The following CD47 variants were observed in gnomAD, a reference collection of about 807,000 sequenced individuals.
The protein encoded by CD47 is leukocyte surface antigen CD47.
A neutral mutation model predicts 44.6 loss-of-function variants in CD47; 11 were observed. The ratio of observed to expected loss-of-function variants is 0.25; its 90% CI spans 0.16 to 0.41. The LOEUF (loss-of-function observed/expected upper bound fraction) is 0.41. CD47 is among the 10% of genes least tolerant of loss of function. The pLI, the probability that CD47 is intolerant of heterozygous loss-of-function variation, is 1.00. For synonymous variants in CD47, 140 were observed against 136.3 expected (o/e 1.03, Z -0.19); for missense variants, 306 against 386.7 (o/e 0.79, Z 1.75).
intron 1 of CD47, among the ~76,000 whole-genome samples, chr3:108,090,454 T>G (rs1229686439): frequency 6.6e-6 from 1 of 151,916 alleles, no homozygotes; most frequent in Non-Finnish European, 1.5e-5. Flanking sequence ...CAACCCCAAA[T>G]GCGTCTAAGC....
chr3:108,051,944 G>A lies in CD47; in HGVS notation c.904C>T (p.Pro302Ser), dbSNP rs1381698308. The part of the protein sequence containing the change: ...VASNQKTIQP[P>S]RKAVEEPLNA... Reference sequence around the variant, plus strand: ...TTTAATAAACTTTAACTTACCCTAGGAGGTTGTATAGTCTTCTGATTGGAA... The same window carrying A: ...TTTAATAAACTTTAACTTACCCTAGAAGGTTGTATAGTCTTCTGATTGGAA... Residue 302 changes from proline to serine, a missense_variant, in exon 8 of 11, where the codon CCT becomes TCT. Transcript: ENST00000361309. 1 of 1,494,938 alleles carries A rather than the reference G, an allele frequency of 6.7e-7. No homozygotes were observed. The highest frequency in any genetic ancestry group is 2.3e-5 in the East Asian group (1 of 43,788). The allele number at this position is 1,494,938 out of a possible 1,614,324, so 92.6% of individuals were successfully genotyped here.
intron 3 of CD47, among the ~76,000 whole-genome samples, chr3:108,061,315 A>G (rs1391072029): frequency 2.0e-5 from 3 of 151,760 alleles, no homozygotes; most frequent in Non-Finnish European, 4.4e-5. Flanking sequence ...CCAAGTGACA[A>G]CACAACACTG....
chr3:108,075,221 G>C (rs141977447), intron 2 of CD47, among the ~76,000 whole-genome samples: 131 of 152,284 alleles, frequency 8.6e-4, no homozygotes, highest in African/African-American at 3.0e-3. Context: ...TGGCTTCCAC[G>C]AAAATGAACT....
At chr3:108,083,281 A>C (rs1203621174) in intron 1 of CD47, among the ~76,000 whole-genome samples, 2 of 152,076 alleles carry the variant, frequency 1.3e-5, no homozygotes, top group Admixed American at 6.6e-5. Flanking sequence ...GGAACTGTAC[A>C]AGTATTGGTG....
intron 1 of CD47, among the ~76,000 whole-genome samples, chr3:108,082,105 A>G (rs1431840986): frequency 6.6e-6 from 1 of 151,998 alleles, no homozygotes; most frequent in East Asian, 1.9e-4. Flanking sequence ...TTCAAATTAT[A>G]AAGGAAGGAA....
chr3:108,064,606 T>G (rs1225348105), intron 3 of CD47, among the ~76,000 whole-genome samples: 1 of 152,138 alleles, frequency 6.6e-6, no homozygotes, highest in Non-Finnish European at 1.5e-5. Context: ...AAGACTGGAT[T>G]TGACACACCC....
At chr3:108,048,031 C>CCA (rs1403685582) in intron 10 of CD47, among the ~76,000 whole-genome samples, 1 of 151,560 alleles carries the variant, frequency 6.6e-6, no homozygotes, top group Non-Finnish European at 1.5e-5. Context: ...AACAATGACA[C>CCA]CACCAAGGAA....
chr3:108,058,400 T>C lies in CD47; in HGVS notation c.721A>G (p.Ile241Val), dbSNP rs955820054. Residue 241 changes from isoleucine to valine, a missense_variant, in exon 6 of 11, where the codon ATA becomes GTA. This residue lies in a region of CD47 where 131 missense variants were observed against 135.3 expected (regional missense o/e 0.97). Transcript: ENST00000361309. The stretch of plus-strand genomic sequence containing the variant: ...TAGGCTATCACCTGAATAACCAATA[T>C]GGCAATGACGAAGGAGGTTAATCCA... ...AIGLTSFVIAILVIQVIAYIL... is the reference protein window; with the variant it reads ...AIGLTSFVIAVLVIQVIAYIL... The C allele has an allele frequency of 5.1e-6, 8 of 1,567,234 alleles. No homozygotes were observed. Among genetic ancestry groups the C allele is most frequent in the Non-Finnish European group, 6.9e-6 (8 of 1,154,146 alleles).
intron 2 of CD47, among the ~76,000 whole-genome samples, chr3:108,079,733 C>A (rs2079381166): frequency 6.6e-6 from 1 of 151,646 alleles, no homozygotes; most frequent in Non-Finnish European, 1.5e-5. Flanking sequence ...GGTCCTTAGA[C>A]CAAAAGTTTG....
intron 1 of CD47, among the ~76,000 whole-genome samples, chr3:108,086,782 A>C (rs2079529458): frequency 6.6e-6 from 1 of 152,144 alleles, no homozygotes. Flanking sequence ...TCATGTGTGC[A>C]AGCTACGGGG....
intron 2 of CD47, among the ~76,000 whole-genome samples, chr3:108,074,463 G>A (rs1279614751): frequency 2.6e-5 from 4 of 151,938 alleles, no homozygotes; most frequent in Non-Finnish European, 5.9e-5. Context: ...ATAGGCAGGC[G>A]CCACCATGCC....
At chr3:108,090,027 T>C (rs1483165693) in intron 1 of CD47, among the ~76,000 whole-genome samples, 2 of 150,930 alleles carry the variant, frequency 1.3e-5, no homozygotes, top group South Asian at 2.1e-4. Context: ...GGAGGTTCTT[T>C]GGCGTCGAAA....
chr3:108,080,759 T>C (rs767994890), intron 1 of CD47, among the ~76,000 whole-genome samples: 7 of 151,858 alleles, frequency 4.6e-5, no homozygotes, highest in Non-Finnish European at 7.4e-5. Flanking sequence ...TTTTATTCAG[T>C]CTCAACTTCA....
In CD47 at chr3:108,071,128, G is replaced by A. The variant is rs578129715; in HGVS notation, c.455C>T (p.Ala152Val). 2 of 1,496,040 alleles carry A rather than the reference G, an allele frequency of 1.3e-6. No individual in the cohort carries two copies. Among genetic ancestry groups the A allele is most frequent in the African/African-American group, 1.4e-5 (1 of 71,894 alleles). 92.7% of individuals were successfully genotyped at this position (1,496,040 alleles called of 1,614,324 possible). A position where few individuals can be genotyped will look rare whatever the true frequency, so the allele number is the denominator to read the frequency against. Residue 152 changes from alanine (A) to valine (V), a missense_variant, in exon 3 of 11, where the codon GCT (alanine) becomes GTT (valine). By Grantham distance (64) the Ala-to-Val change is moderately conservative. Transcript: ENST00000361309. ...NILIVIFPIF[A>V]ILLFWGQFGI... ...AAACTGTCCCCAGAACAGGAGTATAGCAAAAATTGGGAAAATAACAATAAG... is the reference window on the plus strand; with the variant it reads ...AAACTGTCCCCAGAACAGGAGTATAACAAAAATTGGGAAAATAACAATAAG...
intron 1 of CD47, among the ~76,000 whole-genome samples, chr3:108,083,988 C>T (rs372883971): frequency 1.6e-4 from 24 of 151,718 alleles, no homozygotes; most frequent in African/African-American, 5.6e-4. Flanking sequence ...GTCTCCTCAA[C>T]GACTTTCCTT....
intron 2 of CD47, 78 bp downstream of exon 2, chr3:108,079,913 C>T: frequency 2.5e-6 from 2 of 814,942 alleles, no homozygotes; most frequent in Non-Finnish European, 4.0e-6. Context: ...GAGTACCTAT[C>T]CCCATTTGGC....
chr3:108,058,837 TA>T (rs2078962701), intron 5 of CD47, among the ~76,000 whole-genome samples: 1 of 152,222 alleles, frequency 6.6e-6, no homozygotes, highest in Non-Finnish European at 1.5e-5. Flanking sequence ...GATGTCATTT[TA>T]TAACAAACTA....
chr3:108,077,056 T>TAA (rs936572745), intron 2 of CD47, among the ~76,000 whole-genome samples: 2 of 152,160 alleles, frequency 1.3e-5, no homozygotes, highest in Non-Finnish European at 2.9e-5. Flanking sequence ...CTATATCTTA[T>TAA]AGTGTTTCCA....
At chr3:108,073,191 T>G (rs1267829317) in intron 2 of CD47, among the ~76,000 whole-genome samples, 1 of 152,032 alleles carries the variant, frequency 6.6e-6, no homozygotes, top group Non-Finnish European at 1.5e-5. Context: ...ATAGTCAAGA[T>G]GAGCTGACAA....
Sources: allele counts gnomAD v4.1 joint callset (sites outside exome capture counted in the v4.1 genomes callset), GRCh38; gene constraint gnomAD v4.1.1; regional missense constraint gnomAD v4.1.1; transcripts MANE v1.5; gene names NCBI Gene and HGNC (gene_info 2026-07-23, HGNC 2026-07-21).